Variants in PLCB1 observed in about 807,000 individuals in gnomAD.
The protein encoded by PLCB1 is 1-phosphatidylinositol 4,5-bisphosphate phosphodiesterase beta-1.
A neutral mutation model predicts 161.8 loss-of-function variants in PLCB1; 46 were observed. That is an observed-to-expected ratio of 0.28 (90% CI 0.22 to 0.36). The LOEUF (loss-of-function observed/expected upper bound fraction) is 0.36, where lower values mean the gene tolerates loss of function less well. PLCB1 is among the 10% of genes least tolerant of loss of function. PLCB1 has a pLI of 1.00. For missense variants in PLCB1, 1,016 were observed against 1,472.5 expected (o/e 0.69, Z 5.07); for synonymous variants, 517 against 503.7 (o/e 1.03, Z -0.35).
At chr20:8,302,428 G>T (rs1423507240) in intron 2 of PLCB1, among the ~76,000 whole-genome samples, 1 of 152,154 alleles carries the variant, frequency 6.6e-6, no homozygotes, top group Non-Finnish European at 1.5e-5. Context: ...GCCCAAATAG[G>T]GGGCCAATTT....
intron 3 of PLCB1, among the ~76,000 whole-genome samples, chr20:8,508,987 A>G (rs2122841592): frequency 6.6e-6 from 1 of 152,342 alleles, no homozygotes; most frequent in African/African-American, 2.4e-5. Flanking sequence ...AAATTCTTTC[A>G]GATAATGCAT....
intron 2 of PLCB1, among the ~76,000 whole-genome samples, chr20:8,327,353 A>C (rs112336411): frequency 2.0e-5 from 3 of 152,114 alleles, no homozygotes; most frequent in Non-Finnish European, 2.9e-5. Flanking sequence ...AGTTGTGGGG[A>C]GGGAGAAGAA....
At chr20:8,702,630 AC>A (rs1444656901) in intron 11 of PLCB1, among the ~76,000 whole-genome samples, 1 of 152,198 alleles carries the variant, frequency 6.6e-6, no homozygotes, top group Non-Finnish European at 1.5e-5. Flanking sequence ...AGTTTGTCTC[AC>A]TGGAGTTTAG....
intron 3 of PLCB1, among the ~76,000 whole-genome samples, chr20:8,409,260 G>A (rs1422335233): frequency 1.3e-5 from 2 of 151,972 alleles, no homozygotes; most frequent in Non-Finnish European, 2.9e-5. Context: ...CTACAAGTAG[G>A]GTCTTGATGG....
chr20:8,359,975 T>G lies in PLCB1; in HGVS notation c.178-11407T>G, dbSNP rs547344755. 9.3e-4 allele frequency among the ~76,000 whole-genome samples: 141 copies of G among 152,330 alleles called. 1 individual carries two copies. The highest frequency in any genetic ancestry group is 3.2e-3 in the African/African-American group (133 of 41,572). ...ATCCTGTTCTCTGAACAAACCCAGATGCAAGGGGTTGTATACAAGTGATTT... is the reference window on the plus strand; with the variant it reads ...ATCCTGTTCTCTGAACAAACCCAGAGGCAAGGGGTTGTATACAAGTGATTT... On this transcript the variant is annotated intron_variant, in intron 2 of 31. Transcript: ENST00000338037.
chr20:8,329,655 G>A (rs1383249694), intron 2 of PLCB1, among the ~76,000 whole-genome samples: 1 of 152,142 alleles, frequency 6.6e-6, no homozygotes, highest in Non-Finnish European at 1.5e-5. Context: ...ATGGCATAAT[G>A]TCTTCCTCTG....
At chr20:8,801,461 A>T (rs1025149720) in intron 31 of PLCB1, among the ~76,000 whole-genome samples, 1 of 152,044 alleles carries the variant, frequency 6.6e-6, no homozygotes, top group Non-Finnish European at 1.5e-5. Context: ...TGCCCCACCC[A>T]TCAGAATATA....
intron 2 of PLCB1, among the ~76,000 whole-genome samples, chr20:8,288,108 G>A (rs991434913): frequency 1.3e-5 from 2 of 152,066 alleles, no homozygotes; most frequent in Admixed American, 6.6e-5. Context: ...CCCTCCAATC[G>A]GTACATTGGA....
chr20:8,185,906 CATGAAT>C (rs1446687713), intron 2 of PLCB1, among the ~76,000 whole-genome samples: 3 of 152,130 alleles, frequency 2.0e-5, no homozygotes, highest in Non-Finnish European at 4.4e-5. Flanking sequence ...TAAATTGCTG[CATGAAT>C]GAGGATATCT....
At chr20:8,371,001 C>G in intron 2 of PLCB1, 2 of 173,506 alleles carry the variant, frequency 1.2e-5, no homozygotes, top group Non-Finnish European at 2.5e-5. Flanking sequence ...GAGCATCCCA[C>G]TCCGTCCTCC....
chr20:8,769,217 C>T (rs964563245), intron 26 of PLCB1, among the ~76,000 whole-genome samples: 2 of 152,026 alleles, frequency 1.3e-5, no homozygotes, highest in Non-Finnish European at 2.9e-5. Context: ...TTGTGTAAGA[C>T]ATTGCTCTTA....
chr20:8,327,894 T>TTTTA (rs1985219738), intron 2 of PLCB1, among the ~76,000 whole-genome samples: 1 of 150,784 alleles, frequency 6.6e-6, no homozygotes, highest in African/African-American at 2.4e-5. Flanking sequence ...ATATGTATAG[T>TTTTA]TATATATATA....
chr20:8,203,403 A>C (rs534517290), intron 2 of PLCB1, among the ~76,000 whole-genome samples: 17 of 152,274 alleles, frequency 1.1e-4, no homozygotes, highest in African/African-American at 4.1e-4. Context: ...TTTTAAAATA[A>C]TTTCCAGTGT....
At chr20:8,275,202 C>T (rs918088860) in intron 2 of PLCB1, among the ~76,000 whole-genome samples, 5 of 150,488 alleles carry the variant, frequency 3.3e-5, no homozygotes, top group Middle Eastern at 3.4e-3. Context: ...TTTTCTCTCC[C>T]GATACTTTGT....
chr20:8,551,269 T>C (rs777958045), intron 3 of PLCB1, among the ~76,000 whole-genome samples: 13 of 152,186 alleles, frequency 8.5e-5, no homozygotes, highest in South Asian at 2.1e-4. Flanking sequence ...GTGTGAGATC[T>C]TCCATGGAAA....
At chr20:8,465,259 G>A (rs1371999425) in intron 3 of PLCB1, among the ~76,000 whole-genome samples, 1 of 152,060 alleles carries the variant, frequency 6.6e-6, no homozygotes, top group Non-Finnish European at 1.5e-5. Flanking sequence ...GTAGAGGTGG[G>A]AAATCAACCA....
At position 8,442,403 on chromosome 20, in the gene PLCB1, A is replaced by G. The variant is rs186501357; in HGVS notation, c.246+70953A>G. ...GGTGGGATGTGGGCTCAAACCCTGT[A>G]TGAAGCCTCTTTTATAAAGGCCTTA... On this transcript the variant is annotated intron_variant, in intron 3 of 31. Coordinates refer to ENST00000338037, the MANE Select transcript of PLCB1 (RefSeq NM_015192.4). 1.1e-4 allele frequency among the ~76,000 whole-genome samples: 16 copies of G among 152,312 alleles called. No individual in the cohort carries two copies. In the East Asian group the frequency reaches 2.5e-3, roughly 24 times the overall value.
At chr20:8,152,037 A>T (rs747276646) in intron 2 of PLCB1, among the ~76,000 whole-genome samples, 9 of 152,128 alleles carry the variant, frequency 5.9e-5, no homozygotes, top group Non-Finnish European at 1.3e-4. Flanking sequence ...TTCATTTTTT[A>T]CACAAACTTT....
chr20:8,321,518 G>T (rs567123462), intron 2 of PLCB1, among the ~76,000 whole-genome samples: 1 of 152,100 alleles, frequency 6.6e-6, no homozygotes, highest in Non-Finnish European at 1.5e-5. Flanking sequence ...TGAAGACATT[G>T]GGGGAGTGAT....
Sources: gnomAD v4.1 joint callset for allele counts (sites outside exome capture counted in the v4.1 genomes callset) on GRCh38, gnomAD v4.1.1 for gene constraint, MANE v1.5 for transcripts, NCBI Gene and HGNC (gene_info 2026-07-23, HGNC 2026-07-21) for gene names.